PGM1: variants seen among roughly 807,000 people sequenced by gnomAD.
The protein encoded by PGM1 is phosphoglucomutase-1.
In PGM1, 52 loss-of-function variants were observed where a neutral mutation model predicts 55.6. The observed-to-expected ratio is 0.94, with a 90% CI of 0.75 to 1.18. The LOEUF is 1.18. Ranked by LOEUF, PGM1 falls within the 50% of genes most tolerant of loss-of-function variation. The probability of loss-of-function intolerance (pLI) is 0.00; values close to 1 mark genes in which losing one functional copy is unlikely to be tolerated. For synonymous variants in PGM1, 287 were observed against 271.7 expected (o/e 1.06, Z -0.55); for missense variants, 724 against 729.3 (o/e 0.99, Z 0.08).
At chr1:63,648,473 G>A (rs2100998309) in intron 7 of PGM1, 44 bp from the exon 8 acceptor site, 3 of 1,612,926 alleles carry the variant, frequency 1.9e-6, no homozygotes, top group East Asian at 2.2e-5. Context: ...TCAGGTACTG[G>A]GAGAAAGCAC....
At chr1:63,598,226 G>A (rs1648138985) in intron 1 of PGM1, among the ~76,000 whole-genome samples, 2 of 152,190 alleles carry the variant, frequency 1.3e-5, no homozygotes, top group Admixed American at 6.5e-5. Flanking sequence ...TGCCTGCCTC[G>A]GCCTTGCCTC....
At chr1:63,657,759 C>CTTCA (rs1021743617) in intron 10 of PGM1, among the ~76,000 whole-genome samples, 7 of 152,136 alleles carry the variant, frequency 4.6e-5, no homozygotes, top group African/African-American at 1.7e-4. Context: ...TGAGAGAATG[C>CTTCA]TTCACTTTTA....
intron 4 of PGM1, 121 bp downstream of exon 4, chr1:63,631,903 T>G: frequency 1.0e-6 from 1 of 978,620 alleles, no homozygotes; most frequent in Non-Finnish European, 1.6e-6. Flanking sequence ...TTAAATAGAG[T>G]TATTTTGCAA....
At chr1:63,604,917 C>CTGTGTGTGTG (rs60618789) in intron 1 of PGM1, among the ~76,000 whole-genome samples, 19 of 118,826 alleles carry the variant, frequency 1.6e-4, no homozygotes, top group South Asian at 1.2e-3. Context: ...TTACATAACT[C>CTGTGTGTGTG]TGTGTGTGTG....
intron 1 of PGM1, among the ~76,000 whole-genome samples, chr1:63,598,926 C>G (rs548649029): frequency 6.6e-5 from 10 of 152,316 alleles, no homozygotes; most frequent in African/African-American, 2.4e-4. Flanking sequence ...CACTGTCTCC[C>G]GCTTGAAGTG....
At chr1:63,649,585 A>T (rs915020621) in intron 8 of PGM1, among the ~76,000 whole-genome samples, 1 of 152,244 alleles carries the variant, frequency 6.6e-6, no homozygotes, top group Non-Finnish European at 1.5e-5. Flanking sequence ...AGACTAGAGA[A>T]TTTAAAAAAT....
chr1:63,595,654 CATTT>C (rs201633923), intron 1 of PGM1, among the ~76,000 whole-genome samples: 2,098 of 152,274 alleles, frequency 0.014, 51 homozygotes, highest in African/African-American at 0.047. Context: ...TTCATTCATT[CATTT>C]ATTCAGTCAG....
At chr1:63,601,841 C>T (rs769878441) in intron 1 of PGM1, among the ~76,000 whole-genome samples, 4 of 152,218 alleles carry the variant, frequency 2.6e-5, no homozygotes, top group African/African-American at 4.8e-5. Context: ...CAAATCACCA[C>T]TGAGCTGATT....
At position 63,593,666 on chromosome 1, in the gene PGM1, G is replaced by C. The variant is rs1287963513; in HGVS notation, c.178G>C (p.Gly60Arg). ...GCGGCAGGAGGCCACGCTGGTGGTG[G>C]GCGGGGACGGCCGGTTCTACATGAA... Reference protein sequence around the residue: ...AQRQEATLVVGGDGRFYMKEA... With the variant: ...AQRQEATLVVRGDGRFYMKEA... Residue 60 changes from glycine (G) to arginine (R), a missense_variant, in exon 1 of 11, where the codon GGC becomes CGC. Physicochemically the swap from Gly to Arg is moderately radical, Grantham distance 125 (BLOSUM62 -2). This residue lies in a region of PGM1 where 379 missense variants were observed against 357.5 expected (regional missense o/e 1.06). Transcript: ENST00000371084. 8.1e-6 allele frequency: 13 copies of C among 1,607,586 alleles called. No individual in the cohort carries two copies. The Admixed American group carries it at 2.2e-4, about 27-fold the overall frequency.
At chr1:63,613,656 CA>C (rs1010662493) in intron 1 of PGM1, among the ~76,000 whole-genome samples, 7 of 151,350 alleles carry the variant, frequency 4.6e-5, no homozygotes, top group African/African-American at 1.7e-4. Flanking sequence ...ACCCTATTTC[CA>C]AATAAGGTCA....
At chr1:63,647,531 G>A (rs1023047034) in intron 7 of PGM1, among the ~76,000 whole-genome samples, 2 of 149,496 alleles carry the variant, frequency 1.3e-5, no homozygotes, top group Non-Finnish European at 3.0e-5. Context: ...AAAAAGACAT[G>A]TATATTAATA....
chr1:63,593,858 G>C, intron 1 of PGM1, 124 bp downstream of exon 1: 1 of 1,301,048 alleles, frequency 7.7e-7, no homozygotes, highest in Non-Finnish European at 9.7e-7. Flanking sequence ...TCCACCTCCC[G>C]CTCCTCCCTC....
chr1:63,644,360 C>T (rs1649597865), intron 7 of PGM1, among the ~76,000 whole-genome samples: 1 of 152,230 alleles, frequency 6.6e-6, no homozygotes, highest in African/African-American at 2.4e-5. Flanking sequence ...TTACCTTTCT[C>T]ACAGTTAAAT....
chr1:63,642,810 A>T (rs1214641315), intron 7 of PGM1, among the ~76,000 whole-genome samples: 1 of 152,154 alleles, frequency 6.6e-6, no homozygotes, highest in African/African-American at 2.4e-5. Flanking sequence ...ACACTTTGCA[A>T]ATTTCTTTTA....
intron 1 of PGM1, among the ~76,000 whole-genome samples, chr1:63,602,423 T>C (rs1648269842): frequency 6.6e-6 from 1 of 152,240 alleles, no homozygotes; most frequent in Non-Finnish European, 1.5e-5. Flanking sequence ...TTAATATCCA[T>C]GTATACCATA....
At chr1:63,655,282 G>A (rs1185556081) in intron 10 of PGM1, among the ~76,000 whole-genome samples, 2 of 152,058 alleles carry the variant, frequency 1.3e-5, no homozygotes, top group Non-Finnish European at 2.9e-5. Context: ...ACCCAACCCA[G>A]GATAATTGGT....
intron 6 of PGM1, among the ~76,000 whole-genome samples, chr1:63,637,181 C>T (rs1448242357): frequency 6.6e-6 from 1 of 152,198 alleles, no homozygotes; most frequent in Non-Finnish European, 1.5e-5. Flanking sequence ...ATAATAATAG[C>T]TGATATTTAT....
At chr1:63,633,712 G>A (rs1649259000) in intron 4 of PGM1, among the ~76,000 whole-genome samples, 1 of 150,472 alleles carries the variant, frequency 6.6e-6, no homozygotes. Flanking sequence ...CTGTTGCCCA[G>A]GCTGGAGTGC....
At chr1:63,604,916 T>A (rs1648368835) in intron 1 of PGM1, among the ~76,000 whole-genome samples, 1 of 102,984 alleles carries the variant, frequency 9.7e-6, no homozygotes, top group African/African-American at 3.9e-5. Flanking sequence ...GTTACATAAC[T>A]CTGTGTGTGT....
Sources: allele counts gnomAD v4.1 joint callset (sites outside exome capture counted in the v4.1 genomes callset), GRCh38; gene constraint gnomAD v4.1.1; regional missense constraint gnomAD v4.1.1; transcripts MANE v1.5; gene names NCBI Gene and HGNC (gene_info 2026-07-23, HGNC 2026-07-21).